ABL2: variants seen among roughly 807,000 people sequenced by gnomAD.
The protein encoded by ABL2 is tyrosine-protein kinase ABL2.
Under a neutral mutation model 107.7 loss-of-function variants are expected in ABL2, and 49 were observed. The observed-to-expected ratio is 0.45, with a 90% confidence interval of 0.36 to 0.58. The LOEUF is 0.58. Ranked by LOEUF, ABL2 falls within the 20% of genes least tolerant of loss-of-function variation. The pLI is 0.00. For synonymous variants in ABL2, 549 were observed against 548.6 expected (o/e 1.00, Z -0.01); for missense variants, 1,245 against 1,457.0 (o/e 0.85, Z 2.37).
rs571779107 is a variant in ABL2 at position 179,158,342 on chromosome 1, A to G, written c.158-24968T>C. Reference sequence around the variant, plus strand: ...CTTGGTTATATAAACCAGGTGCTTTACATATATTATAATGAACCCTCATGT... The same window carrying G: ...CTTGGTTATATAAACCAGGTGCTTTGCATATATTATAATGAACCCTCATGT... On this transcript the variant is annotated intron_variant, in intron 1 of 11. Transcript: ENST00000502732. Among the ~76,000 whole-genome samples the G allele has an allele frequency of 2.8e-4, 42 of 152,362 alleles. No individual in the cohort carries two copies. The Middle Eastern group carries it at 0.01, about 37-fold the overall frequency.
At chr1:179,159,889 G>A (rs1005632800) in intron 1 of ABL2, among the ~76,000 whole-genome samples, 7 of 152,174 alleles carry the variant, frequency 4.6e-5, no homozygotes, top group Admixed American at 1.3e-4. Flanking sequence ...CAAGGTGGGC[G>A]TATCAACTGA....
chr1:179,126,797 T>G lies in ABL2; in HGVS notation c.392-125A>C. 1 of 1,064,350 alleles carries G rather than the reference T, an allele frequency of 9.4e-7. No individual in the cohort carries two copies. Among genetic ancestry groups the G allele is most frequent in the Non-Finnish European group, 1.3e-6 (1 of 761,694 alleles). The allele number at this position is 1,064,350 out of a possible 1,614,324, so 65.9% of individuals were successfully genotyped here. A position where few individuals can be genotyped will look rare whatever the true frequency, so the allele number is the denominator to read the frequency against. ...AGAATCTAGAACTTTTATGCCAAAT[T>G]TTTTTTTTAAATAATGAAAACAAAC... is the stretch of plus-strand genomic sequence containing the variant. On this transcript the variant is annotated intron_variant, in intron 3 of 11. Transcript: ENST00000502732. The surrounding 1 kb of genome is among the most constrained non-coding windows in gnomAD (Gnocchi z 4.4).
In ABL2 at chr1:179,126,464, A is replaced by C; in HGVS notation, c.600T>G (p.Ser200Arg). The C allele has an allele frequency of 6.2e-7, 1 of 1,614,156 alleles. No homozygotes were observed. The highest frequency in any genetic ancestry group is 1.3e-5 in the African/African-American group (1 of 75,034). ...TGGACAGCTGCCCAGGGCTACTCTC[A>C]CTTTCTCGCACCAGGAAGCTGCCAT... is the stretch of plus-strand genomic sequence containing the variant. ...LINGSFLVRE[S>R]ESSPGQLSIS... The change falls in exon 4 of 12, where the codon AGT becomes AGG. Residue 200 changes from serine (S) to arginine (R), a missense_variant. Transcript: ENST00000502732. The surrounding 1 kb of genome is among the most constrained non-coding windows in gnomAD (Gnocchi z 4.4).
At chr1:179,226,191 T>A (rs1382151494) in intron 1 of ABL2, among the ~76,000 whole-genome samples, 2 of 151,798 alleles carry the variant, frequency 1.3e-5, no homozygotes, top group African/African-American at 4.8e-5. Context: ...TCTTTGGCAA[T>A]AAACTCGACC....
chr1:179,207,835 T>C (rs1662063783), intron 1 of ABL2, among the ~76,000 whole-genome samples: 1 of 152,220 alleles, frequency 6.6e-6, no homozygotes, highest in Non-Finnish European at 1.5e-5. Flanking sequence ...ATTAACAGCA[T>C]GTTTATAAAT....
intron 9 of ABL2, among the ~76,000 whole-genome samples, chr1:179,112,756 ATTTTT>A (rs747910142): frequency 7.4e-6 from 1 of 134,642 alleles, no homozygotes; most frequent in African/African-American, 2.8e-5. Flanking sequence ...CGCCCAGCTA[ATTTTT>A]TTTTTTTTTT....
chr1:179,106,959 A>G lies in ABL2; in HGVS notation c.*759T>C. 4.3e-6 allele frequency: 1 copy of G among 230,542 alleles called. No individual in the cohort carries two copies. Among genetic ancestry groups the G allele is most frequent in the Non-Finnish European group, 8.6e-6 (1 of 116,340 alleles). 14.3% of individuals were successfully genotyped at this position (230,542 alleles called of 1,614,324 possible). On this transcript the variant is annotated 3_prime_UTR_variant, in exon 12 of 12. Coordinates refer to ENST00000502732, the MANE Select transcript of ABL2 (RefSeq NM_007314.4). Reference sequence around the variant, plus strand: ...CTGTACTTATGGTTTACAGATAGCCACCAACAGGCAGGAAGCCGATCCTGG... The same window carrying G: ...CTGTACTTATGGTTTACAGATAGCCGCCAACAGGCAGGAAGCCGATCCTGG...
chr1:179,103,235 G>GCTC lies in ABL2; in HGVS notation c.*4482_*4483insGAG, dbSNP rs1653248793. 4.8e-6 allele frequency: 1 copy of GCTC among 209,090 alleles called. No homozygotes were observed. The highest frequency in any genetic ancestry group is 2.3e-5 in the African/African-American group (1 of 44,074). The allele number at this position is 209,090 out of a possible 1,614,324, so 13.0% of individuals were successfully genotyped here. Reference sequence around the variant, plus strand: ...TGAACTACAACTTTAGCAAACACTTGCTATACCTGCTCATACCTGTTAAGC... The same window carrying GCTC: ...TGAACTACAACTTTAGCAAACACTTGCTCCTATACCTGCTCATACCTGTTAAGC... On this transcript the variant is annotated 3_prime_UTR_variant, in exon 12 of 12. Coordinates refer to ENST00000502732, the MANE Select transcript of ABL2 (RefSeq NM_007314.4).
intron 1 of ABL2, among the ~76,000 whole-genome samples, chr1:179,147,181 CAAAAAAAAAA>C (rs58297805): frequency 3.2e-3 from 161 of 50,538 alleles, no homozygotes; most frequent in Non-Finnish European, 2.7e-3. Context: ...CAGAGAAATG[CAAAAAAAAAA>C]AAAAAAAAAA....
At chr1:179,110,979 G>GGT in intron 10 of ABL2, 1 of 1,067,626 alleles carries the variant, frequency 9.4e-7, no homozygotes, top group Non-Finnish European at 1.3e-6. Context: ...ATTATTTTTG[G>GGT]CTTTTTTTTT....
intron 1 of ABL2, among the ~76,000 whole-genome samples, chr1:179,146,024 G>C (rs943291206): frequency 6.6e-6 from 1 of 151,960 alleles, no homozygotes; most frequent in Non-Finnish European, 1.5e-5. Context: ...CTCCTGGGTA[G>C]CTGGGATTAC....
intron 1 of ABL2, among the ~76,000 whole-genome samples, chr1:179,166,503 G>A (rs1174060840): frequency 6.6e-6 from 1 of 152,016 alleles, no homozygotes; most frequent in Non-Finnish European, 1.5e-5. Context: ...TCCTGGCAGG[G>A]CGCGGTGGCT....
At chr1:179,229,204 C>CCCCCCCCCCCCA in intron 1 of ABL2, 37 bp downstream of exon 1, 1 of 1,448,286 alleles carries the variant, frequency 6.9e-7, no homozygotes, top group Non-Finnish European at 9.2e-7. Flanking sequence ...CCCCCGGCCT[C>CCCCCCCCCCCCA]CCCCACGCTC....
At chr1:179,154,066 A>C (rs1410726860) in intron 1 of ABL2, among the ~76,000 whole-genome samples, 3 of 152,080 alleles carry the variant, frequency 2.0e-5, no homozygotes, top group Admixed American at 1.3e-4. Context: ...CCTCTTAAAT[A>C]TCTCTCAAAC....
At chr1:179,120,729 T>C (rs553178453) in intron 5 of ABL2, among the ~76,000 whole-genome samples, 8 of 152,334 alleles carry the variant, frequency 5.3e-5, no homozygotes, top group African/African-American at 1.9e-4. Flanking sequence ...GAAATAATTA[T>C]TATTTTAAGA....
intron 1 of ABL2, among the ~76,000 whole-genome samples, chr1:179,157,264 G>C (rs1227146675): frequency 6.6e-6 from 1 of 152,158 alleles, no homozygotes. Flanking sequence ...GGAGGCTGAG[G>C]CAAGCAGATC....
At chr1:179,225,494 T>C (rs1167651737) in intron 1 of ABL2, among the ~76,000 whole-genome samples, 1 of 152,218 alleles carries the variant, frequency 6.6e-6, no homozygotes, top group Non-Finnish European at 1.5e-5. Context: ...TCGAATCTAA[T>C]TCATTCATTC....
At chr1:179,181,616 T>C (rs964795247) in intron 1 of ABL2, among the ~76,000 whole-genome samples, 1 of 152,194 alleles carries the variant, frequency 6.6e-6, no homozygotes, top group Non-Finnish European at 1.5e-5. Context: ...CACACTCTAA[T>C]GCACCCTGTC....
chr1:179,139,519 AC>A (rs1252012561), intron 1 of ABL2, among the ~76,000 whole-genome samples: 1 of 152,230 alleles, frequency 6.6e-6, no homozygotes, highest in Non-Finnish European at 1.5e-5. Flanking sequence ...CCAATTCCGG[AC>A]ACAGCTCCCT....
Sources: allele counts gnomAD v4.1 joint callset (sites outside exome capture counted in the v4.1 genomes callset), GRCh38; gene constraint gnomAD v4.1.1; non-coding constraint Gnocchi (gnomAD v3.1); transcripts MANE v1.5; gene names NCBI Gene and HGNC (gene_info 2026-07-23, HGNC 2026-07-21).